Variants in FAM20C observed in about 807,000 individuals in gnomAD.
FAM20C encodes extracellular serine/threonine protein kinase FAM20C.
Under a neutral mutation model 51.5 loss-of-function variants are expected in FAM20C, and 40 were observed. The ratio of observed to expected loss-of-function variants is 0.78; its 90% CI spans 0.60 to 1.01. The LOEUF is 1.01. Among genes scored for constraint, FAM20C ranks in the 50% least tolerant of loss-of-function variants. The pLI, the probability that FAM20C is intolerant of heterozygous loss-of-function variation, is 0.00. For missense variants in FAM20C, 861 were observed against 844.7 expected, an observed-to-expected ratio of 1.02 and a Z score of -0.24; for synonymous variants, 406 against 380.6, an observed-to-expected ratio of 1.07 and a Z score of -0.78.
intron 3 of FAM20C, among the ~76,000 whole-genome samples, chr7:220,484 G>A (rs969110581): frequency 3.3e-5 from 5 of 152,190 alleles, no homozygotes; most frequent in South Asian, 2.1e-4. Context: ...GGACTGAAAC[G>A]AAGGAGCATG....
chr7:210,344 C>T (rs1786654396), intron 3 of FAM20C, among the ~76,000 whole-genome samples: 3 of 152,174 alleles, frequency 2.0e-5, no homozygotes, highest in South Asian at 2.1e-4. Flanking sequence ...GGAGAGATGG[C>T]GTCGCCCGGA....
chr7:207,155 T>A (rs373937502), intron 2 of FAM20C, among the ~76,000 whole-genome samples: 2 of 9,050 alleles, frequency 2.2e-4, no homozygotes, highest in Admixed American at 1.3e-3. Flanking sequence ...CCCTCCGCCC[T>A]GCACACGTAT....
At chr7:202,804 A>G (rs937523449) in intron 2 of FAM20C, among the ~76,000 whole-genome samples, 6 of 152,038 alleles carry the variant, frequency 3.9e-5, no homozygotes, top group Non-Finnish European at 8.8e-5. Context: ...GTGGGATTGC[A>G]CTGGGGAATG....
At chr7:215,227 CTGGGGGGGGGAGCAGGG>C (rs1408335820) in intron 3 of FAM20C, among the ~76,000 whole-genome samples, 25 of 66,122 alleles carry the variant, frequency 3.8e-4, no homozygotes, top group Non-Finnish European at 8.9e-4. Context: ...GAGGCTCCAG[CTGGGGGGGGGAGCAGGG>C]CCCCTGGTGT....
chr7:193,418 C>T lies in FAM20C; in HGVS notation c.219C>T (p.Ala73=). ...VRGRPGEPPA[A]SSAAGDAGWP... ...GCCGCCCCGGGGAGCCCCCGGCCGC[C>T]TCCTCCGCCGCCGGCGACGCGGGCT... The change falls in exon 1 of 10, where the codon GCC becomes GCT. Residue 73 remains alanine, a synonymous_variant. Coordinates refer to ENST00000313766, the MANE Select transcript of FAM20C (RefSeq NM_020223.4). The T allele has an allele frequency of 7.1e-7, 1 of 1,415,794 alleles. No homozygotes were observed. The highest frequency in any genetic ancestry group is 1.5e-5 in the South Asian group (1 of 68,858). The allele number at this position is 1,415,794 out of a possible 1,614,324, so 87.7% of individuals were successfully genotyped here. A position where few individuals can be genotyped will look rare whatever the true frequency, so the allele number is the denominator to read the frequency against.
chr7:228,555 C>T (rs1055228515), intron 3 of FAM20C: 17 of 456,210 alleles, frequency 3.7e-5, no homozygotes, highest in East Asian at 7.0e-5. Flanking sequence ...GAAGGGGAGA[C>T]GCCCGCTGCC....
chr7:227,995 T>G, intron 3 of FAM20C: 1 of 158,784 alleles, frequency 6.3e-6, no homozygotes, highest in Non-Finnish European at 1.4e-5. Context: ...GGCGCAGAGG[T>G]TTCCTGCAGA....
At chr7:201,278 C>T (rs1786116289) in intron 2 of FAM20C, among the ~76,000 whole-genome samples, 1 of 152,222 alleles carries the variant, frequency 6.6e-6, no homozygotes, top group Non-Finnish European at 1.5e-5. Context: ...ACGAGATGAC[C>T]AGGGCCAAAG....
chr7:227,227 C>T (rs1303805934), intron 3 of FAM20C, among the ~76,000 whole-genome samples: 2 of 151,766 alleles, frequency 1.3e-5, no homozygotes, highest in Non-Finnish European at 2.9e-5. Context: ...TGTGGGCCAT[C>T]GTTCTAATTG....
intron 3 of FAM20C, among the ~76,000 whole-genome samples, chr7:222,254 G>T (rs1204992610): frequency 6.6e-6 from 1 of 152,178 alleles, no homozygotes; most frequent in Non-Finnish European, 1.5e-5. Flanking sequence ...TTATGGGTCA[G>T]TGGAGAGTGA....
Position 258,693 on chromosome 7 carries a change from A to G in FAM20C, c.1493A>G (p.Gln498Arg). The G allele has an allele frequency of 1.3e-6, 2 of 1,536,430 alleles. No individual in the cohort carries two copies. Among genetic ancestry groups the G allele is most frequent in the South Asian group, 1.2e-5 (1 of 84,016 alleles). Residue 498 changes from glutamine (Q) to arginine (R), a missense_variant, in exon 9 of 10, where the codon CAG becomes CGG. Gln to Arg is a conservative substitution (Grantham distance 43, BLOSUM62 1). This residue lies in a region of FAM20C where 269 missense variants were observed against 283.8 expected (regional missense o/e 0.95). Coordinates refer to ENST00000313766, the MANE Select transcript of FAM20C (RefSeq NM_020223.4). ...HDELSILVPL[Q>R]QCCRIRKSTY... is the part of the protein sequence containing the mutation. ...GAGCTCTCCATCCTGGTGCCGCTAC[A>G]GCAGTGCTGCAGGTACAGCCCCTGC...
At chr7:252,329 G>A (rs562435237) in intron 5 of FAM20C, among the ~76,000 whole-genome samples, 28 of 137,716 alleles carry the variant, frequency 2.0e-4, no homozygotes, top group Admixed American at 2.1e-4. Flanking sequence ...AGGTCATCTC[G>A]GAGGCCCTGC....
rs201805537 is a variant in FAM20C, at chr7:222,082, GC to G, written c.863+13108del. 9.7e-3 allele frequency among the ~76,000 whole-genome samples: 1,016 copies of G among 104,810 alleles called. 43 individuals are homozygous for G. Among genetic ancestry groups the G allele is most frequent in the African/African-American group, 0.031 (957 of 30,802 alleles). 68.8% of individuals were successfully genotyped at this position (104,810 alleles called of 152,430 possible). ...TCCAGCAGGGCAGGGGGCTGCAGGA[GC>G]CGTTCTTAGCATCTGGGCACCCGGG... On this transcript the variant is annotated intron_variant, in intron 3 of 9. Coordinates refer to ENST00000313766, the MANE Select transcript of FAM20C (RefSeq NM_020223.4).
In FAM20C at chr7:193,194, G is replaced by A; in HGVS notation, c.-6G>A. On this transcript the variant is annotated 5_prime_UTR_variant, in exon 1 of 10. Transcript: ENST00000313766. ...GCGCTCCAGGCCCGGGCCGGCCCGC[G>A]CGGCCATGAAGATGATGCTGGTGCG... The A allele has an allele frequency of 1.4e-6, 2 of 1,453,698 alleles. No individual in the cohort carries two copies. The highest frequency in any genetic ancestry group is 1.2e-5 in the South Asian group (1 of 81,556). 90.0% of individuals were successfully genotyped at this position (1,453,698 alleles called of 1,614,324 possible).
chr7:209,061 G>C (rs1786582569), intron 3 of FAM20C, 85 bp downstream of exon 3: 6 of 1,368,594 alleles, frequency 4.4e-6, no homozygotes, highest in Non-Finnish European at 6.1e-6. Context: ...GGATGGCCGT[G>C]TCTCCTCCCA....
intron 1 of FAM20C, 53 bp downstream of exon 1, chr7:193,857 A>T (rs2115036399): frequency 6.5e-7 from 1 of 1,536,434 alleles, no homozygotes. Context: ...AGCCCAAGGC[A>T]TGGTGTAGAG....
At chr7:235,405 C>T (rs990127593) in intron 3 of FAM20C, among the ~76,000 whole-genome samples, 17 of 152,172 alleles carry the variant, frequency 1.1e-4, no homozygotes, top group African/African-American at 2.9e-4. Context: ...ACCAGACCTA[C>T]GTCCACGTGA....
chr7:195,560 T>G lies in FAM20C; in HGVS notation c.612T>G (p.His204Gln). The G allele has an allele frequency of 6.3e-7, 1 of 1,579,690 alleles. No homozygotes were observed. Among genetic ancestry groups the G allele is most frequent in the Non-Finnish European group, 8.6e-7 (1 of 1,160,724 alleles). The change falls in exon 2 of 10, where the codon CAT (histidine) becomes CAG (glutamine). Residue 204 changes from histidine (H) to glutamine (Q), a missense_variant. By Grantham distance (24) the His-to-Gln change is conservative. Transcript: ENST00000313766. ...TCCTCGCTGCTCCCTGCAGGCCGCA[T>G]GCGGGTGCTGAAGGTGCAGAATTCC... ...PKAAENPDWP[H>Q]AGAEGAEFLS...
At chr7:258,506 G>GAT (rs1788739148) in intron 8 of FAM20C, 140 bp from the exon 9 acceptor site, 1 of 730,372 alleles carries the variant, frequency 1.4e-6, no homozygotes, top group Non-Finnish European at 2.3e-6. Context: ...CACTGCCCGG[G>GAT]GTGCTGGAGA....
Sources: gnomAD v4.1 joint callset for allele counts (sites outside exome capture counted in the v4.1 genomes callset) on GRCh38, gnomAD v4.1.1 for gene constraint, gnomAD v4.1.1 regional missense constraint, MANE v1.5 for transcripts, NCBI Gene and HGNC (gene_info 2026-07-23, HGNC 2026-07-21) for gene names.